The following COL21A1 variants were observed in gnomAD, a reference collection of about 807,000 sequenced individuals.
COL21A1 encodes collagen alpha-1(XXI) chain.
A neutral mutation model predicts 137.9 loss-of-function variants in COL21A1; 149 were observed. The ratio of observed to expected loss-of-function variants is 1.08; its 90% CI spans 0.95 to 1.24. The LOEUF (loss-of-function observed/expected upper bound fraction) is 1.24, where lower values mean the gene tolerates loss of function less well. COL21A1 is among the 50% of genes most tolerant of loss of function. COL21A1 has a pLI of 0.00. For missense variants in COL21A1, 1,167 were observed against 1,158.4 expected (o/e 1.01, Z -0.11); for synonymous variants, 456 against 391.5 (o/e 1.16, Z -1.95).
chr6:56,131,951 GA>G (rs1468854121), intron 12 of COL21A1, among the ~76,000 whole-genome samples: 2 of 151,680 alleles, frequency 1.3e-5, no homozygotes, highest in East Asian at 1.9e-4. Context: ...GACAAATATA[GA>G]AATAAGGCTA....
At chr6:56,171,227 T>C (rs1400567860) in intron 3 of COL21A1, 99 bp from the exon 4 acceptor site, 3 of 708,208 alleles carry the variant, frequency 4.2e-6, no homozygotes. Context: ...TATTCTATCA[T>C]TAGAATTATA....
intron 1 of COL21A1, among the ~76,000 whole-genome samples, chr6:56,290,024 C>T (rs1045510613): frequency 1.3e-4 from 20 of 152,106 alleles, no homozygotes; most frequent in African/African-American, 4.8e-4. Flanking sequence ...CAGCCCTCTG[C>T]CACTGGACTG....
chr6:56,207,389 C>G (rs1779863877), intron 1 of COL21A1, among the ~76,000 whole-genome samples: 1 of 152,254 alleles, frequency 6.6e-6, no homozygotes, highest in South Asian at 2.1e-4. Flanking sequence ...AAACTACCAT[C>G]AGAGAATACT....
At chr6:56,336,919 A>G (rs182643848) in intron 1 of COL21A1, among the ~76,000 whole-genome samples, 14 of 152,316 alleles carry the variant, frequency 9.2e-5, no homozygotes, top group Non-Finnish European at 1.9e-4. Context: ...GGCAAAACCA[A>G]TATGGGCACT....
intron 1 of COL21A1, among the ~76,000 whole-genome samples, chr6:56,297,805 T>C (rs1764195945): frequency 6.6e-6 from 1 of 152,140 alleles, no homozygotes; most frequent in Non-Finnish European, 1.5e-5. Context: ...ATGCCATTAT[T>C]ATGACTCAGA....
chr6:56,086,172 T>C (rs1025741267), intron 17 of COL21A1, among the ~76,000 whole-genome samples: 4 of 152,048 alleles, frequency 2.6e-5, no homozygotes, highest in African/African-American at 9.7e-5. Flanking sequence ...CACCAAGCTA[T>C]AACCTTTGAA....
At chr6:56,164,715 C>T in intron 8 of COL21A1, 99 bp downstream of exon 8, 1 of 989,522 alleles carries the variant, frequency 1.0e-6, no homozygotes, top group Non-Finnish European at 1.5e-6. Context: ...AAAATGGGTT[C>T]CATTTGTCTA....
chr6:56,139,162 T>G (rs1774216829), intron 12 of COL21A1, among the ~76,000 whole-genome samples: 1 of 152,118 alleles, frequency 6.6e-6, no homozygotes, highest in South Asian at 2.1e-4. Flanking sequence ...AAAGGATCAC[T>G]CAAAGATATT....
chr6:56,090,193 C>A (rs986326156), intron 17 of COL21A1, among the ~76,000 whole-genome samples: 3 of 152,136 alleles, frequency 2.0e-5, no homozygotes, highest in Non-Finnish European at 4.4e-5. Flanking sequence ...GAGTCAAGAT[C>A]GTGCCACTGC....
chr6:56,211,083 C>A (rs887328358), intron 1 of COL21A1, among the ~76,000 whole-genome samples: 2 of 149,456 alleles, frequency 1.3e-5, no homozygotes, highest in Non-Finnish European at 3.0e-5. Flanking sequence ...ATGTAGAATT[C>A]TATATATATA....
At chr6:56,184,631 T>C (rs758966446) in intron 1 of COL21A1, among the ~76,000 whole-genome samples, 3 of 152,188 alleles carry the variant, frequency 2.0e-5, no homozygotes, top group Non-Finnish European at 4.4e-5. Context: ...CATTGTTTTG[T>C]AATGCATATG....
intron 3 of COL21A1, among the ~76,000 whole-genome samples, chr6:56,176,422 CA>C (rs35782466): frequency 1.2e-3 from 174 of 147,792 alleles, no homozygotes; most frequent in African/African-American, 3.7e-3. Flanking sequence ...AACTCAGCAA[CA>C]AAAAAAAAAC....
chr6:56,088,165 A>T (rs1582296206), intron 17 of COL21A1, among the ~76,000 whole-genome samples: 1 of 152,130 alleles, frequency 6.6e-6, no homozygotes, highest in Non-Finnish European at 1.5e-5. Context: ...GGACTTCAAG[A>T]CCAGCCTGGC....
chr6:56,258,435 G>A (rs1424913223), intron 1 of COL21A1, among the ~76,000 whole-genome samples: 2 of 152,060 alleles, frequency 1.3e-5, no homozygotes, highest in African/African-American at 4.8e-5. Flanking sequence ...GCATCCAACG[G>A]AGGACCTCAA....
At chr6:56,112,381 A>G (rs1478937270) in intron 16 of COL21A1, among the ~76,000 whole-genome samples, 1 of 152,202 alleles carries the variant, frequency 6.6e-6, no homozygotes, top group Non-Finnish European at 1.5e-5. Context: ...AATTATCTAC[A>G]AAGAAAAAAC....
intron 1 of COL21A1, among the ~76,000 whole-genome samples, chr6:56,384,397 A>G (rs969780604): frequency 6.6e-5 from 10 of 152,140 alleles, no homozygotes; most frequent in African/African-American, 2.4e-4. Context: ...GATCTGTGGG[A>G]AAAAAAATCT....
Position 56,057,858 on chromosome 6 carries a change from T to G in COL21A1, c.2687-14A>C, listed in dbSNP as rs1244590235. ...GGCCCTCTGGACCTAAGATGGGACA[T>G]TGGCAAGACGTAAACAGAGGACTTT... On this transcript the variant is annotated splice_polypyrimidine_tract_variant and intron_variant, in intron 29 of 29. Coordinates refer to ENST00000244728, the MANE Select transcript of COL21A1 (RefSeq NM_030820.4). 1 of 1,516,624 alleles carries G rather than the reference T, an allele frequency of 6.6e-7. No homozygotes were observed. The highest frequency in any genetic ancestry group is 1.3e-5 in the South Asian group (1 of 77,816). 93.9% of individuals were successfully genotyped at this position (1,516,624 alleles called of 1,614,324 possible).
At chr6:56,218,614 T>TA (rs909578308) in intron 1 of COL21A1, among the ~76,000 whole-genome samples, 1 of 152,190 alleles carries the variant, frequency 6.6e-6, no homozygotes, top group Non-Finnish European at 1.5e-5. Context: ...TTATTTTTTT[T>TA]ACTAATGTCT....
At chr6:56,225,013 G>C (rs1781096914) in intron 1 of COL21A1, among the ~76,000 whole-genome samples, 1 of 151,716 alleles carries the variant, frequency 6.6e-6, no homozygotes, top group African/African-American at 2.4e-5. Flanking sequence ...AACAGGGAAA[G>C]AAAAACAAAA....
Sources: allele counts gnomAD v4.1 joint callset (sites outside exome capture counted in the v4.1 genomes callset), GRCh38; gene constraint gnomAD v4.1.1; transcripts MANE v1.5; gene names NCBI Gene and HGNC (gene_info 2026-07-23, HGNC 2026-07-21).